DENND4A: variants seen among roughly 807,000 people sequenced by gnomAD.
DENND4A encodes the protein C-myc promoter-binding protein.
DENND4A carries 70 observed loss-of-function variants against 199.3 expected under a neutral mutation model. That is an observed-to-expected ratio of 0.35 (90% CI 0.29 to 0.43). The LOEUF (loss-of-function observed/expected upper bound fraction) is 0.43. Ranked by LOEUF, DENND4A falls within the 20% of genes least tolerant of loss-of-function variation. The pLI, the probability that DENND4A is intolerant of heterozygous loss-of-function variation, is 1.00. For synonymous variants in DENND4A, 686 were observed against 766.9 expected, an observed-to-expected ratio of 0.89 and a Z score of 1.74; for missense variants, 1,723 against 2,255.8, an observed-to-expected ratio of 0.76 and a Z score of 4.78.
chr15:65,702,157 G>A (rs1486955473), intron 17 of DENND4A, 148 bp downstream of exon 17: 1 of 777,642 alleles, frequency 1.3e-6, no homozygotes. Flanking sequence ...ACAGCTATCT[G>A]GGAGGCTAAA....
At chr15:65,731,548 C>A in intron 9 of DENND4A, 94 bp downstream of exon 9, 2 of 921,904 alleles carry the variant, frequency 2.2e-6, no homozygotes, top group South Asian at 1.5e-5. Flanking sequence ...AGAAGTATTT[C>A]CATCAATATT....
At chr15:65,732,727 C>T (rs1329178085) in intron 8 of DENND4A, 25 bp downstream of exon 8, 14 of 1,472,572 alleles carry the variant, frequency 9.5e-6, no homozygotes, top group Admixed American at 1.8e-5. Context: ...CATAGGTCCC[C>T]CAATCAAAAA....
chr15:65,709,145 A>G (rs1041847902), intron 14 of DENND4A, among the ~76,000 whole-genome samples: 28 of 152,198 alleles, frequency 1.8e-4, no homozygotes, highest in African/African-American at 6.5e-4. Context: ...AGGTAAGAGG[A>G]TTTGTTCACT....
chr15:65,766,113 T>C (rs893091133), intron 1 of DENND4A, among the ~76,000 whole-genome samples: 1 of 151,960 alleles, frequency 6.6e-6, no homozygotes, highest in Admixed American at 6.6e-5. Context: ...TAGCCGGATA[T>C]GGTGGTGCAC....
rs2075854375 is a variant in DENND4A, at chr15:65,661,920, G to T, written c.5655C>A (p.His1885Gln). 9 of 1,613,126 alleles carry T rather than the reference G, an allele frequency of 5.6e-6. No individual in the cohort carries two copies. The highest frequency in any genetic ancestry group is 7.6e-6 in the Non-Finnish European group (9 of 1,179,432). The change falls in exon 33 of 33, where the codon CAC becomes CAA. Residue 1885 changes from histidine (H) to glutamine (Q), a missense_variant. His to Gln is a conservative substitution (Grantham distance 24). This residue lies in a region of DENND4A where 164 missense variants were observed against 280.1 expected (regional missense o/e 0.59). Transcript: ENST00000443035. ...RLTPSQVKST[H>Q]NCDRPPSTGV... The stretch of plus-strand genomic sequence containing the variant: ...CTGTACTTGGTGGTCTATCACAGTT[G>T]TGTGTACTCTTGACTTGACTAGGTG...
intron 4 of DENND4A, among the ~76,000 whole-genome samples, chr15:65,751,198 T>A (rs570731837): frequency 6.6e-6 from 1 of 152,146 alleles, no homozygotes; most frequent in East Asian, 1.9e-4. Flanking sequence ...AATAGAGGCG[T>A]TGTGAAGTGG....
chr15:65,771,848 A>T, intron 1 of DENND4A: 1 of 1,612,484 alleles, frequency 6.2e-7, no homozygotes, highest in Non-Finnish European at 8.5e-7. Context: ...AAAACAGCAT[A>T]AGCATTCCCA....
At chr15:65,719,324 C>CT (rs370142994) in intron 12 of DENND4A, 33,608 of 139,606 alleles carry the variant, frequency 0.24, 4,662 homozygotes, top group East Asian at 0.73. Context: ...TCTTCTTTCC[C>CT]TTTTTTTTTT....
intron 7 of DENND4A, among the ~76,000 whole-genome samples, chr15:65,736,769 C>G (rs2076131296): frequency 1.3e-5 from 2 of 152,126 alleles, no homozygotes; most frequent in Admixed American, 1.3e-4. Context: ...ATATTTCAAC[C>G]AAAACAACTA....
chr15:65,671,703 T>C lies in DENND4A; in HGVS notation c.4464+89A>G. The stretch of plus-strand genomic sequence containing the variant: ...CCGCGCCCAGCCTATGTATTTAACT[T>C]CTATTACTCTACCTGGGACCACTAA... On this transcript the variant is annotated intron_variant, in intron 25 of 32. Transcript: ENST00000443035. The C allele has an allele frequency of 6.2e-6, 6 of 963,162 alleles. No homozygotes were observed. In the South Asian group the frequency reaches 8.1e-5, roughly 13 times the overall value. The allele number at this position is 963,162 out of a possible 1,614,324, so 59.7% of individuals were successfully genotyped here.
At chr15:65,786,391 G>A (rs931218428) in intron 1 of DENND4A, among the ~76,000 whole-genome samples, 1 of 151,238 alleles carries the variant, frequency 6.6e-6, no homozygotes. Context: ...TACATGTTTT[G>A]TTTTTTTTCT....
chr15:65,782,958 G>C (rs1166322029), intron 1 of DENND4A, among the ~76,000 whole-genome samples: 1 of 148,650 alleles, frequency 6.7e-6, no homozygotes, highest in East Asian at 1.9e-4. Context: ...ACTACTGATG[G>C]AAGGGATCTT....
rs994905227 is a variant in DENND4A at position 65,785,783 on chromosome 15, GCTCA to G, written c.-102+6223_-102+6226del. Among the ~76,000 whole-genome samples, 31 of 152,020 alleles carry G rather than the reference GCTCA, an allele frequency of 2.0e-4. 2 individuals are homozygous for G. Among genetic ancestry groups the G allele is most frequent in the Admixed American group, 1.4e-3 (21 of 15,268 alleles). ...ATACTTGGAGAAAGTACATTGGAAA[GCTCA>G]CTATCAACAATATATACTATAGGAC... On this transcript the variant is annotated intron_variant, in intron 1 of 32. Transcript: ENST00000443035.
chr15:65,733,912 T>C (rs2076034872), intron 7 of DENND4A, among the ~76,000 whole-genome samples: 1 of 152,198 alleles, frequency 6.6e-6, no homozygotes, highest in Non-Finnish European at 1.5e-5. Context: ...TCATCACCAC[T>C]CCCTAATCTC....
At chr15:65,790,555 A>T (rs1226175881) in intron 1 of DENND4A, among the ~76,000 whole-genome samples, 1 of 152,156 alleles carries the variant, frequency 6.6e-6, no homozygotes, top group Non-Finnish European at 1.5e-5. Context: ...AAATTATGTA[A>T]CATATTATAT....
intron 1 of DENND4A, among the ~76,000 whole-genome samples, chr15:65,769,256 A>G (rs1242923899): frequency 6.9e-6 from 1 of 144,366 alleles, no homozygotes; most frequent in Admixed American, 6.9e-5. Flanking sequence ...AGGTAATGCC[A>G]AACTGTTTTC....
At position 65,702,318 on chromosome 15, in the gene DENND4A, T is replaced by A. The variant is rs1352870907; in HGVS notation, c.2417A>T (p.Asp806Val). The change falls in exon 17 of 33, where the codon GAT becomes GTT. Residue 806 changes from aspartate to valine, a missense_variant. Coordinates refer to ENST00000443035, the MANE Select transcript of DENND4A (RefSeq NM_001320835.1). Reference sequence around the variant, plus strand: ...AATAATTGTTACCTCATCAGGTGGATCCATCTTCTTTGACTGCATTTTTTT... The same window carrying A: ...AATAATTGTTACCTCATCAGGTGGAACCATCTTCTTTGACTGCATTTTTTT... ...VLKKMQSKKM[D>V]PPDEVCYRIL... The A allele has an allele frequency of 6.4e-7, 1 of 1,551,628 alleles. No individual in the cohort carries two copies. Among genetic ancestry groups the A allele is most frequent in the Non-Finnish European group, 8.7e-7 (1 of 1,146,712 alleles).
chr15:65,659,332 T>TG lies in DENND4A; in HGVS notation c.*2518_*2519insC, dbSNP rs1566974949. Reference sequence around the variant, plus strand: ...GATTGATATTTTCTGGTTTTTTTTTTTTTTTTTTTTTTTTTTTTTGAGACA... The same window carrying TG: ...GATTGATATTTTCTGGTTTTTTTTTTGTTTTTTTTTTTTTTTTTTTGAGACA... On this transcript the variant is annotated 3_prime_UTR_variant, in exon 33 of 33. Transcript: ENST00000443035. 9.0e-6 allele frequency: 1 copy of TG among 111,272 alleles called. No homozygotes were observed. Among genetic ancestry groups the TG allele is most frequent in the African/African-American group, 3.6e-5 (1 of 27,956 alleles). The allele number at this position is 111,272 out of a possible 1,614,324, so 6.9% of individuals were successfully genotyped here. A position where few individuals can be genotyped will look rare whatever the true frequency, so the allele number is the denominator to read the frequency against.
At position 65,671,841 on chromosome 15, in the gene DENND4A, G is replaced by A. The variant is rs773335820; in HGVS notation, c.4415C>T (p.Ser1472Phe). 1 of 1,613,088 alleles carries A rather than the reference G, an allele frequency of 6.2e-7. No individual in the cohort carries two copies. Among genetic ancestry groups the A allele is most frequent in the East Asian group, 2.2e-5 (1 of 44,874 alleles). ...FALPGKSEVTSSFNASNTNIF... is the reference protein window; with the variant it reads ...FALPGKSEVTFSFNASNTNIF... Reference sequence around the variant, plus strand: ...ATTTGTATTACTCGCGTTGAAGGAAGATGTCACTTCTGATTTCCCAGGTAA... The same window carrying A: ...ATTTGTATTACTCGCGTTGAAGGAAAATGTCACTTCTGATTTCCCAGGTAA... The change falls in exon 25 of 33, where the codon TCT becomes TTT. Residue 1472 changes from serine to phenylalanine, a missense_variant. Ser to Phe is a radical substitution (Grantham distance 155). Transcript: ENST00000443035.
Sources: allele counts gnomAD v4.1 joint callset (sites outside exome capture counted in the v4.1 genomes callset), GRCh38; gene constraint gnomAD v4.1.1; regional missense constraint gnomAD v4.1.1; transcripts MANE v1.5; gene names NCBI Gene and HGNC (gene_info 2026-07-23, HGNC 2026-07-21).